SSH1: variants seen among roughly 807,000 people sequenced by gnomAD.
SSH1 encodes the protein protein phosphatase Slingshot homolog 1.
A neutral mutation model predicts 79.7 loss-of-function variants in SSH1; 43 were observed. The observed-to-expected ratio is 0.54, with a 90% CI of 0.42 to 0.70. SSH1 has a LOEUF of 0.70. Among genes scored for constraint, SSH1 ranks in the 30% least tolerant of loss-of-function variants. The probability of loss-of-function intolerance (pLI) is 0.00; values close to 1 mark genes in which losing one functional copy is unlikely to be tolerated. For missense variants in SSH1, 1,206 were observed against 1,358.8 expected, an observed-to-expected ratio of 0.89 and a Z score of 1.77; for synonymous variants, 599 against 538.3, an observed-to-expected ratio of 1.11 and a Z score of -1.56.
In SSH1 at chr12:108,788,266, T is replaced by C; in HGVS notation, c.2872A>G (p.Ile958Val). ...PGLVKQRTQE[I>V]ETRLRLAGLT... ...CCCGCCAGCCGGAGCCGGGTCTCAA[T>C]CTCCTGTGTCCGCTGCTTCACCAGC... Residue 958 changes from isoleucine (I) to valine (V), a missense_variant, in exon 15 of 15, where the codon ATT becomes GTT. Coordinates refer to ENST00000326495, the MANE Select transcript of SSH1 (RefSeq NM_018984.4). The C allele has an allele frequency of 6.2e-7, 1 of 1,613,716 alleles. No homozygotes were observed. Among genetic ancestry groups the C allele is most frequent in the South Asian group, 1.1e-5 (1 of 91,066 alleles).
chr12:108,843,748 T>C (rs972798859), intron 2 of SSH1, among the ~76,000 whole-genome samples: 1 of 152,154 alleles, frequency 6.6e-6, no homozygotes, highest in African/African-American at 2.4e-5. Context: ...TTGCCCAGGA[T>C]GGTCTCAAAC....
chr12:108,826,899 C>A (rs2038331250), intron 2 of SSH1, among the ~76,000 whole-genome samples: 1 of 151,990 alleles, frequency 6.6e-6, no homozygotes, highest in East Asian at 1.9e-4. Context: ...CACAAAAGAT[C>A]TGAGTGTCCT....
chr12:108,809,849 C>T lies in SSH1; in HGVS notation c.471-91G>A, dbSNP rs139170429. On this transcript the variant is annotated intron_variant, in intron 6 of 14. Transcript: ENST00000326495. ...CTGGGAGGAGGGAGCCAAACCACTG[C>T]GCACGCTGGGAACAAGCACATCTCA... The T allele has an allele frequency of 6.0e-5, 65 of 1,080,094 alleles. No individual in the cohort carries two copies. The East Asian group carries it at 1.0e-3, about 17-fold the overall frequency. The allele number at this position is 1,080,094 out of a possible 1,614,324, so 66.9% of individuals were successfully genotyped here.
At chr12:108,840,890 G>A (rs2038760455) in intron 2 of SSH1, among the ~76,000 whole-genome samples, 1 of 152,188 alleles carries the variant, frequency 6.6e-6, no homozygotes, top group Admixed American at 6.5e-5. Flanking sequence ...TGCAGGGTCA[G>A]ACCATAGCCC....
intron 2 of SSH1, among the ~76,000 whole-genome samples, chr12:108,831,439 G>C (rs564324685): frequency 6.6e-6 from 1 of 152,162 alleles, no homozygotes; most frequent in African/African-American, 2.4e-5. Flanking sequence ...CAGTGCTAAG[G>C]CCTGAGAATT....
At chr12:108,808,097 C>A (rs2037380023) in intron 7 of SSH1, among the ~76,000 whole-genome samples, 1 of 152,176 alleles carries the variant, frequency 6.6e-6, no homozygotes, top group South Asian at 2.1e-4. Context: ...ACCACCACGC[C>A]CAGCTAATTT....
intron 2 of SSH1, among the ~76,000 whole-genome samples, chr12:108,827,714 AC>A (rs1190737118): frequency 6.6e-6 from 1 of 152,134 alleles, no homozygotes; most frequent in Non-Finnish European, 1.5e-5. Flanking sequence ...CAAGGAACCA[AC>A]CCCAAGCAAC....
Position 108,799,314 on chromosome 12 carries a change from C to A in SSH1, c.1149-114G>T, listed in dbSNP as rs1001024924. 6.8e-6 allele frequency: 6 copies of A among 878,342 alleles called. No individual in the cohort carries two copies. The Admixed American group carries it at 1.0e-4, about 15-fold the overall frequency. 54.4% of individuals were successfully genotyped at this position (878,342 alleles called of 1,614,324 possible). ...GTTTTACCCGAATCATTTTTTTAAA[C>A]CCTGTAGATATCTTACTGCCGAAAT... On this transcript the variant is annotated intron_variant, in intron 12 of 14. Transcript: ENST00000326495.
chr12:108,853,399 C>G, intron 1 of SSH1: 8 of 960,012 alleles, frequency 8.3e-6, no homozygotes, highest in Non-Finnish European at 9.9e-6. Flanking sequence ...TACACACCCC[C>G]CAAACAACTC....
intron 14 of SSH1, among the ~76,000 whole-genome samples, chr12:108,791,654 G>C (rs990206569): frequency 5.9e-5 from 9 of 152,166 alleles, no homozygotes; most frequent in African/African-American, 2.2e-4. Context: ...AGCTACTCAG[G>C]AGGCTGAGGT....
intron 13 of SSH1, among the ~76,000 whole-genome samples, chr12:108,796,845 C>A (rs1011303469): frequency 1.3e-5 from 2 of 151,820 alleles, no homozygotes; most frequent in Admixed American, 6.6e-5. Flanking sequence ...CGGGTTCAAG[C>A]AATTCTCCTG....
intron 2 of SSH1, among the ~76,000 whole-genome samples, chr12:108,838,474 T>C (rs1419246061): frequency 6.6e-6 from 1 of 152,208 alleles, no homozygotes; most frequent in Non-Finnish European, 1.5e-5. Context: ...GGAGACCACA[T>C]GTTTGGAACA....
At chr12:108,815,842 G>A (rs2037860243) in intron 5 of SSH1, among the ~76,000 whole-genome samples, 1 of 152,174 alleles carries the variant, frequency 6.6e-6, no homozygotes, top group Admixed American at 6.5e-5. Context: ...TGCGGGGGTG[G>A]GGGCCATGTC....
At position 108,816,590 on chromosome 12, in the gene SSH1, T is replaced by TCA. The variant is rs548558000; in HGVS notation, c.401+446_401+447dup. 8.5e-5 allele frequency among the ~76,000 whole-genome samples: 13 copies of TCA among 152,272 alleles called. No homozygotes were observed. In the South Asian group the frequency reaches 2.7e-3, roughly 32 times the overall value. ...GAAGTACTTGGGAATCAGTGGAGTA[T>TCA]CACTGTGGGGTGAGGTGTCTGAGGC... On this transcript the variant is annotated intron_variant, in intron 5 of 14. Transcript: ENST00000326495.
At chr12:108,832,205 G>A (rs1193427688) in intron 2 of SSH1, among the ~76,000 whole-genome samples, 1 of 152,018 alleles carries the variant, frequency 6.6e-6, no homozygotes, top group Non-Finnish European at 1.5e-5. Flanking sequence ...GCTGAAGTGG[G>A]AGAATCACTT....
intron 2 of SSH1, among the ~76,000 whole-genome samples, chr12:108,841,516 A>C (rs950174108): frequency 5.9e-5 from 9 of 152,254 alleles, no homozygotes; most frequent in African/African-American, 1.9e-4. Context: ...TAATTAAAAA[A>C]AATATATAGG....
At chr12:108,812,202 G>C (rs951293737) in intron 5 of SSH1, among the ~76,000 whole-genome samples, 47 of 152,216 alleles carry the variant, frequency 3.1e-4, no homozygotes, top group African/African-American at 1.1e-3. Flanking sequence ...CAAATTCTCA[G>C]GTCCCTCCGT....
chr12:108,827,909 C>T (rs1266963833), intron 2 of SSH1, among the ~76,000 whole-genome samples: 1 of 152,124 alleles, frequency 6.6e-6, no homozygotes, highest in Non-Finnish European at 1.5e-5. Context: ...GGGGACACGC[C>T]AGGTAGAGGG....
intron 2 of SSH1, among the ~76,000 whole-genome samples, chr12:108,846,765 C>G (rs1357931271): frequency 6.6e-6 from 1 of 152,242 alleles, no homozygotes; most frequent in Non-Finnish European, 1.5e-5. Flanking sequence ...GGCGCCCTCT[C>G]AGGCCTGGAC....
Sources: gnomAD v4.1 joint callset for allele counts (sites outside exome capture counted in the v4.1 genomes callset) on GRCh38, gnomAD v4.1.1 for gene constraint, MANE v1.5 for transcripts, NCBI Gene and HGNC (gene_info 2026-07-23, HGNC 2026-07-21) for gene names.